MCTP2: variants seen among roughly 807,000 people sequenced by gnomAD.
The protein encoded by MCTP2 is multiple C2 and transmembrane domain-containing protein 2.
MCTP2 carries 132 observed loss-of-function variants against 111.6 expected under a neutral mutation model. That is an observed-to-expected ratio of 1.18 (90% confidence interval 1.03 to 1.37). The LOEUF is 1.37. Among genes scored for constraint, MCTP2 ranks in the 40% most tolerant of loss-of-function variants. MCTP2 has a pLI of 0.00. For missense variants in MCTP2, 1,183 were observed against 1,067.9 expected (o/e 1.11, Z -1.50); for synonymous variants, 395 against 387.7 (o/e 1.02, Z -0.22).
intron 1 of MCTP2, among the ~76,000 whole-genome samples, chr15:94,249,202 C>T (rs1006005793): frequency 3.3e-5 from 5 of 152,196 alleles, no homozygotes; most frequent in African/African-American, 9.7e-5. Context: ...ATTTATTTTA[C>T]ATAGCCCTGT....
At chr15:94,392,371 C>CA (rs371531421) in intron 14 of MCTP2, among the ~76,000 whole-genome samples, 15,517 of 137,584 alleles carry the variant, frequency 0.11, 867 homozygotes, top group Non-Finnish European at 0.13. Flanking sequence ...GACTCCATCT[C>CA]AAAAAAAAAA....
chr15:94,433,567 C>T (rs1248569966), intron 17 of MCTP2, among the ~76,000 whole-genome samples: 2 of 152,108 alleles, frequency 1.3e-5, no homozygotes. Flanking sequence ...AATAATGCTG[C>T]TGTGCTATGA....
intron 4 of MCTP2, among the ~76,000 whole-genome samples, chr15:94,316,992 C>G (rs950413541): frequency 1.3e-5 from 2 of 152,064 alleles, no homozygotes; most frequent in African/African-American, 4.8e-5. Flanking sequence ...ACTTTTTCCT[C>G]TCGGGAAGAA....
chr15:94,326,322 G>A (rs773894867), intron 4 of MCTP2, among the ~76,000 whole-genome samples: 2 of 152,092 alleles, frequency 1.3e-5, no homozygotes, highest in Non-Finnish European at 2.9e-5. Flanking sequence ...TGTAACATTA[G>A]GAATAATGCC....
At chr15:94,409,227 C>T (rs1053089919) in intron 17 of MCTP2, among the ~76,000 whole-genome samples, 2 of 152,116 alleles carry the variant, frequency 1.3e-5, no homozygotes, top group Admixed American at 1.3e-4. Flanking sequence ...GGCCTGGCCT[C>T]CCAGCCTACA....
intron 1 of MCTP2, among the ~76,000 whole-genome samples, chr15:94,237,541 T>G (rs1339733023): frequency 2.6e-5 from 4 of 152,102 alleles, no homozygotes; most frequent in Admixed American, 6.6e-5. Flanking sequence ...CATTTAACCC[T>G]GTATATCATG....
chr15:94,417,835 A>G (rs1259810229), intron 17 of MCTP2, among the ~76,000 whole-genome samples: 2 of 152,134 alleles, frequency 1.3e-5, no homozygotes, highest in African/African-American at 4.8e-5. Flanking sequence ...AGCATCACTC[A>G]CTAATCACTA....
intron 1 of MCTP2, among the ~76,000 whole-genome samples, chr15:94,281,218 A>C (rs1004207136): frequency 6.6e-6 from 1 of 152,078 alleles, no homozygotes. Context: ...GGCCTTTACA[A>C]GCTTGTTTTA....
In MCTP2 at chr15:94,334,454, A is replaced by G. The variant is rs751363628; in HGVS notation, c.638-4836A>G. ...CTTTGATTTGGAGAAATTTAATAAT[A>G]TACTCATAGGTGGTCCAAATAATGT... On this transcript the variant is annotated intron_variant, in intron 4 of 22. Coordinates refer to ENST00000357742, the MANE Select transcript of MCTP2 (RefSeq NM_001385001.1). 5.7e-4 allele frequency among the ~76,000 whole-genome samples: 86 copies of G among 152,194 alleles called. 1 individual carries two copies. Among genetic ancestry groups the G allele is most frequent in the Non-Finnish European group, 8.5e-4 (58 of 68,040 alleles).
intron 4 of MCTP2, among the ~76,000 whole-genome samples, chr15:94,335,419 A>C (rs2077315241): frequency 6.6e-6 from 1 of 152,256 alleles, no homozygotes; most frequent in Non-Finnish European, 1.5e-5. Flanking sequence ...TTGATGAAAT[A>C]AAAATGAAAG....
chr15:94,257,837 G>A (rs760759874), intron 1 of MCTP2, among the ~76,000 whole-genome samples: 7 of 148,856 alleles, frequency 4.7e-5, no homozygotes, highest in African/African-American at 7.4e-5. Flanking sequence ...TGCCCTCCTC[G>A]GCCTCCCAAA....
intron 1 of MCTP2, among the ~76,000 whole-genome samples, chr15:94,234,908 C>T (rs1368389275): frequency 5.3e-5 from 8 of 152,088 alleles, no homozygotes; most frequent in African/African-American, 1.9e-4. Flanking sequence ...TTTGGAGTTA[C>T]TCTGATGGAG....
intron 17 of MCTP2, among the ~76,000 whole-genome samples, chr15:94,420,268 G>A (rs943096072): frequency 6.6e-6 from 1 of 152,128 alleles, no homozygotes; most frequent in Non-Finnish European, 1.5e-5. Context: ...CTGCTCAAGA[G>A]CTGTGATGGA....
intron 16 of MCTP2, among the ~76,000 whole-genome samples, chr15:94,400,684 A>G (rs544672552): frequency 1.4e-3 from 201 of 145,376 alleles, no homozygotes; most frequent in African/African-American, 4.9e-3. Flanking sequence ...TCAGGATTTC[A>G]CTTTGTACCT....
intron 16 of MCTP2, 102 bp downstream of exon 16, chr15:94,400,097 C>A: frequency 1.1e-6 from 1 of 913,408 alleles, no homozygotes. Flanking sequence ...CTTTTCCTCC[C>A]TCTTACTCCT....
chr15:94,454,023 A>G (rs557146924), intron 19 of MCTP2, among the ~76,000 whole-genome samples: 1 of 152,226 alleles, frequency 6.6e-6, no homozygotes, highest in Admixed American at 6.5e-5. Context: ...CATCGTACAT[A>G]TATGAAAAAT....
chr15:94,337,767 A>G (rs987112715), intron 4 of MCTP2, among the ~76,000 whole-genome samples: 2 of 147,314 alleles, frequency 1.4e-5, no homozygotes, highest in African/African-American at 2.5e-5. Context: ...CAAACTTAAA[A>G]TGTGAGATTT....
intron 10 of MCTP2, among the ~76,000 whole-genome samples, chr15:94,361,247 G>A (rs969921901): frequency 1.3e-5 from 2 of 151,814 alleles, no homozygotes; most frequent in Non-Finnish European, 2.9e-5. Context: ...TCCAAAGCCT[G>A]TCTCATGCTT....
At chr15:94,458,273 T>C (rs374096435) in intron 20 of MCTP2, 27 bp downstream of exon 20, 140 of 1,373,448 alleles carry the variant, frequency 1.0e-4, no homozygotes, top group Non-Finnish European at 1.4e-4. Flanking sequence ...TGTTGTGGTG[T>C]TTGCAGTAGA....
Sources: allele counts gnomAD v4.1 joint callset (sites outside exome capture counted in the v4.1 genomes callset), GRCh38; gene constraint gnomAD v4.1.1; transcripts MANE v1.5; gene names NCBI Gene and HGNC (gene_info 2026-07-23, HGNC 2026-07-21).